The following UNC13C variants were observed in gnomAD, a reference collection of about 807,000 sequenced individuals.
UNC13C encodes the protein unc-13 homolog C.
Under a neutral mutation model 245.4 loss-of-function variants are expected in UNC13C, and 174 were observed. The observed-to-expected ratio is 0.71, with a 90% CI of 0.63 to 0.80. The LOEUF is 0.80. UNC13C is among the 30% of genes least tolerant of loss of function. UNC13C has a pLI of 0.00. For missense variants in UNC13C, 2,829 were observed against 2,602.9 expected (o/e 1.09, Z -1.89); for synonymous variants, 992 against 895.1 (o/e 1.11, Z -1.93).
intron 2 of UNC13C, among the ~76,000 whole-genome samples, chr15:54,026,508 T>A (rs1896114251): frequency 6.6e-6 from 1 of 152,232 alleles, no homozygotes; most frequent in Non-Finnish European, 1.5e-5. Context: ...AGTTAGTGGT[T>A]CTCAGGTTGC....
At chr15:53,988,543 G>A (rs1894246978) in intron 1 of UNC13C, among the ~76,000 whole-genome samples, 1 of 151,818 alleles carries the variant, frequency 6.6e-6, no homozygotes, top group Non-Finnish European at 1.5e-5. Context: ...CATCTTTTGG[G>A]GGAAGGAAAT....
chr15:54,075,155 A>C (rs569287946), intron 2 of UNC13C, among the ~76,000 whole-genome samples: 77 of 152,256 alleles, frequency 5.1e-4, no homozygotes, highest in Middle Eastern at 3.4e-3. Context: ...TCAATGATTC[A>C]GTTGGTGCCA....
At chr15:54,018,778 T>C (rs537896048) in intron 2 of UNC13C, among the ~76,000 whole-genome samples, 2 of 152,356 alleles carry the variant, frequency 1.3e-5, no homozygotes, top group South Asian at 4.1e-4. Context: ...CATTTCTCAT[T>C]TTCTATTCCA....
At chr15:53,857,445 C>T in the UNC13C span, among the ~76,000 whole-genome samples, 1 of 152,036 alleles carries the variant, frequency 6.6e-6, no homozygotes, top group East Asian at 1.9e-4. Context: ...GCAAGGCTAT[C>T]CTAAACTAAG....
chr15:54,192,780 G>A (rs1440728303), intron 4 of UNC13C, among the ~76,000 whole-genome samples: 4 of 151,988 alleles, frequency 2.6e-5, no homozygotes, highest in African/African-American at 7.2e-5. Context: ...AGTCTTCAAT[G>A]TATTTGCCAG....
the UNC13C span, among the ~76,000 whole-genome samples, chr15:53,856,157 G>GT: frequency 6.6e-6 from 1 of 151,870 alleles, no homozygotes; most frequent in Non-Finnish European, 1.5e-5. Context: ...ATTTTTGAAC[G>GT]TGTTTATTTT....
At chr15:54,498,042 A>G (rs997069991) in intron 20 of UNC13C, among the ~76,000 whole-genome samples, 2 of 152,114 alleles carry the variant, frequency 1.3e-5, no homozygotes. Flanking sequence ...GAATTGAAAA[A>G]CCAGACCCCA....
intron 14 of UNC13C, among the ~76,000 whole-genome samples, chr15:54,326,929 C>T (rs1387741088): frequency 6.6e-6 from 1 of 151,986 alleles, no homozygotes; most frequent in African/African-American, 2.4e-5. Context: ...GTATTTACAA[C>T]ATGAAAGTTA....
intron 19 of UNC13C, among the ~76,000 whole-genome samples, chr15:54,422,735 A>G (rs56696332): frequency 0.08 from 12,108 of 151,526 alleles, 552 homozygotes; most frequent in Admixed American, 0.15. Context: ...TTCGTTCACA[A>G]CCCTACCCTG....
intron 30 of UNC13C, among the ~76,000 whole-genome samples, chr15:54,591,891 CTGTG>C (rs1485143434): frequency 6.6e-6 from 1 of 151,914 alleles, no homozygotes; most frequent in Non-Finnish European, 1.5e-5. Context: ...CTTAGATTGT[CTGTG>C]TGTGCTCTTT....
chr15:54,349,964 A>C (rs2038943738), intron 17 of UNC13C, among the ~76,000 whole-genome samples: 1 of 152,092 alleles, frequency 6.6e-6, no homozygotes, highest in African/African-American at 2.4e-5. Context: ...AAGAAACATA[A>C]TGTTGTATAT....
chr15:53,903,023 A>C, the UNC13C span, among the ~76,000 whole-genome samples: 1 of 152,246 alleles, frequency 6.6e-6, no homozygotes, highest in East Asian at 1.9e-4. Flanking sequence ...TGATGATCAT[A>C]CAGTCAATTT....
chr15:54,546,250 A>G (rs1896476539), intron 26 of UNC13C, among the ~76,000 whole-genome samples: 1 of 152,170 alleles, frequency 6.6e-6, no homozygotes, highest in African/African-American at 2.4e-5. Context: ...GTTCTCACTC[A>G]TAAGTGGGAG....
chr15:53,956,998 G>A, the UNC13C span, among the ~76,000 whole-genome samples: 1 of 151,902 alleles, frequency 6.6e-6, no homozygotes, highest in African/African-American at 2.4e-5. Flanking sequence ...TCAAAACACT[G>A]ATATTATCTT....
chr15:54,378,992 A>G (rs1458197318), intron 17 of UNC13C, among the ~76,000 whole-genome samples: 2 of 152,072 alleles, frequency 1.3e-5, no homozygotes, highest in African/African-American at 4.8e-5. Context: ...TGTAAAGACT[A>G]TTGAATATTT....
intron 2 of UNC13C, among the ~76,000 whole-genome samples, chr15:54,121,812 T>A (rs972322647): frequency 6.6e-6 from 1 of 152,036 alleles, no homozygotes. Flanking sequence ...TTCTTTTATC[T>A]CTTTCAAAAA....
At chr15:54,139,807 CT>C (rs1468117893) in intron 2 of UNC13C, among the ~76,000 whole-genome samples, 1 of 151,952 alleles carries the variant, frequency 6.6e-6, no homozygotes, top group Non-Finnish European at 1.5e-5. Flanking sequence ...TCTCTTTTTA[CT>C]TGTCTTTCTT....
chr15:54,201,323 T>C (rs908420305), intron 4 of UNC13C, among the ~76,000 whole-genome samples: 1 of 151,916 alleles, frequency 6.6e-6, no homozygotes. Flanking sequence ...ATGAAGCCAG[T>C]ATCACTCTAG....
intron 26 of UNC13C, among the ~76,000 whole-genome samples, chr15:54,543,681 A>G (rs1490137724): frequency 6.6e-6 from 1 of 152,172 alleles, no homozygotes; most frequent in East Asian, 1.9e-4. Flanking sequence ...ATGCAAATAA[A>G]CTAGAAAATC....
Sources: allele counts gnomAD v4.1 joint callset (sites outside exome capture counted in the v4.1 genomes callset), GRCh38; gene constraint gnomAD v4.1.1; transcripts MANE v1.5; gene names NCBI Gene and HGNC (gene_info 2026-07-23, HGNC 2026-07-21).